The following CNTN4 variants were observed in gnomAD, a reference collection of about 807,000 sequenced individuals.
CNTN4 encodes the protein contactin-4.
CNTN4 carries 77 observed loss-of-function variants against 122.5 expected under a neutral mutation model. The observed-to-expected ratio is 0.63, with a 90% CI of 0.52 to 0.76. CNTN4 has a LOEUF of 0.76. Among genes scored for constraint, CNTN4 ranks in the 30% least tolerant of loss-of-function variants. The probability of loss-of-function intolerance (pLI) is 0.00; values close to 1 mark genes in which losing one functional copy is unlikely to be tolerated. For missense variants in CNTN4, 1,256 were observed against 1,259.1 expected, an observed-to-expected ratio of 1.00 and a Z score of 0.04; for synonymous variants, 512 against 447.0, an observed-to-expected ratio of 1.15 and a Z score of -1.83.
chr3:3,036,826 C>T (rs1699654394), intron 17 of CNTN4, among the ~76,000 whole-genome samples: 1 of 151,834 alleles, frequency 6.6e-6, no homozygotes, highest in Non-Finnish European at 1.5e-5. Flanking sequence ...ATACTTTTAC[C>T]TTTCTCAGAG....
intron 4 of CNTN4, among the ~76,000 whole-genome samples, chr3:2,708,836 A>G (rs2086917230): frequency 1.3e-5 from 2 of 152,184 alleles, no homozygotes; most frequent in Non-Finnish European, 2.9e-5. Flanking sequence ...TAAGTACACA[A>G]ATGCAGTTTT....
chr3:2,554,751 C>T (rs1326565096), intron 3 of CNTN4, among the ~76,000 whole-genome samples: 3 of 152,278 alleles, frequency 2.0e-5, no homozygotes, highest in Non-Finnish European at 1.5e-5. Context: ...GTTAGACTTT[C>T]GGCCTTTGGG....
chr3:2,310,515 C>T (rs1015253487), intron 2 of CNTN4, among the ~76,000 whole-genome samples: 1 of 152,084 alleles, frequency 6.6e-6, no homozygotes, highest in Non-Finnish European at 1.5e-5. Flanking sequence ...CATAAGGGAC[C>T]GCCTTCCCAC....
chr3:3,043,042 G>C lies in CNTN4; in HGVS notation c.2577G>C (p.Gln859His). 2 of 1,614,152 alleles carry C rather than the reference G, an allele frequency of 1.2e-6. No individual in the cohort carries two copies. The highest frequency in any genetic ancestry group is 1.7e-6 in the Non-Finnish European group (2 of 1,179,996). ...NARKIRTVGN[Q>H]TSTKITNLKG... is the part of the protein sequence containing the mutation. ...GAAAAATACGAACAGTTGGAAATCA[G>C]ACATCAACAAAAATCACGAACTTAA... Residue 859 changes from glutamine (Q) to histidine (H), a missense_variant, in exon 22 of 25, where the codon CAG becomes CAC. Coordinates refer to ENST00000418658, the MANE Select transcript of CNTN4 (RefSeq NM_175607.3).
intron 3 of CNTN4, among the ~76,000 whole-genome samples, chr3:2,386,495 G>C (rs544329769): frequency 2.6e-4 from 40 of 152,296 alleles, no homozygotes; most frequent in African/African-American, 9.1e-4. Context: ...TTAAATCATT[G>C]TTTGCAATAT....
At chr3:2,684,196 A>T (rs1363125385) in intron 4 of CNTN4, among the ~76,000 whole-genome samples, 4 of 152,170 alleles carry the variant, frequency 2.6e-5, no homozygotes, top group Non-Finnish European at 5.9e-5. Context: ...TTAGCACACC[A>T]TGTGAGTTAG....
intron 3 of CNTN4, among the ~76,000 whole-genome samples, chr3:2,513,626 A>G (rs1404178528): frequency 6.6e-6 from 1 of 152,174 alleles, no homozygotes; most frequent in African/African-American, 2.4e-5. Context: ...AGAAATTTCA[A>G]CTTATACCTT....
intron 4 of CNTN4, among the ~76,000 whole-genome samples, chr3:2,711,222 G>A (rs1411232912): frequency 6.6e-6 from 1 of 152,148 alleles, no homozygotes; most frequent in African/African-American, 2.4e-5. Flanking sequence ...AAGCTGGCTA[G>A]GTAGGAGATC....
At chr3:2,893,680 A>G (rs966891400) in intron 10 of CNTN4, among the ~76,000 whole-genome samples, 3 of 152,178 alleles carry the variant, frequency 2.0e-5, no homozygotes, top group Non-Finnish European at 4.4e-5. Context: ...AAAGAGTCAT[A>G]TCAAGGACAA....
intron 2 of CNTN4, among the ~76,000 whole-genome samples, chr3:2,153,574 T>A (rs13069426): frequency 0.21 from 31,291 of 151,528 alleles, 4,011 homozygotes; most frequent in Admixed American, 0.31. Flanking sequence ...TTTTGAGGAG[T>A]TTGTGGGAAG....
At chr3:2,925,166 A>C (rs777764518) in intron 12 of CNTN4, among the ~76,000 whole-genome samples, 2 of 152,202 alleles carry the variant, frequency 1.3e-5, no homozygotes, top group African/African-American at 2.4e-5. Flanking sequence ...ATTATACCTC[A>C]AAGTTTACTA....
chr3:2,423,389 G>A (rs566302378), intron 3 of CNTN4, among the ~76,000 whole-genome samples: 37 of 151,890 alleles, frequency 2.4e-4, no homozygotes, highest in South Asian at 1.0e-3. Context: ...AGTTTAGTGC[G>A]TTTAATGAAC....
chr3:2,110,815 C>T (rs3935239), intron 2 of CNTN4, among the ~76,000 whole-genome samples: 2 of 152,028 alleles, frequency 1.3e-5, no homozygotes, highest in African/African-American at 4.8e-5. Context: ...CTCTCTACTT[C>T]CTGGCTGAGG....
intron 3 of CNTN4, among the ~76,000 whole-genome samples, chr3:2,532,068 G>C (rs1423089290): frequency 6.6e-6 from 1 of 152,122 alleles, no homozygotes; most frequent in Non-Finnish European, 1.5e-5. Context: ...ACTCACACTG[G>C]ACTTTTCATG....
intron 2 of CNTN4, among the ~76,000 whole-genome samples, chr3:2,148,396 T>C (rs1366731490): frequency 6.6e-6 from 1 of 151,684 alleles, no homozygotes; most frequent in African/African-American, 2.4e-5. Context: ...AAAATTAGCC[T>C]TGGTGGTGTG....
intron 5 of CNTN4, among the ~76,000 whole-genome samples, chr3:2,745,163 A>G (rs115586391): frequency 0.037 from 5,655 of 152,296 alleles, 143 homozygotes; most frequent in South Asian, 0.059. Context: ...ATGATTGCAA[A>G]CTAGAAGGAC....
intron 5 of CNTN4, among the ~76,000 whole-genome samples, chr3:2,744,295 C>A (rs191558534): frequency 6.6e-6 from 1 of 152,260 alleles, no homozygotes; most frequent in Admixed American, 6.5e-5. Flanking sequence ...ACATTTTTTT[C>A]ATGTAAATCC....
At chr3:2,126,142 C>T (rs537674721) in intron 2 of CNTN4, among the ~76,000 whole-genome samples, 1 of 152,172 alleles carries the variant, frequency 6.6e-6, no homozygotes, top group African/African-American at 2.4e-5. Context: ...ACAGAATGTC[C>T]TCCGGGGAAC....
At chr3:2,189,707 G>A (rs1271502921) in intron 2 of CNTN4, among the ~76,000 whole-genome samples, 5 of 144,902 alleles carry the variant, frequency 3.5e-5, no homozygotes, top group Admixed American at 2.1e-4. Flanking sequence ...TGAAAAATAC[G>A]ATTTCCATAG....
Sources: gnomAD v4.1 joint callset for allele counts (sites outside exome capture counted in the v4.1 genomes callset) on GRCh38, gnomAD v4.1.1 for gene constraint, MANE v1.5 for transcripts, NCBI Gene and HGNC (gene_info 2026-07-23, HGNC 2026-07-21) for gene names.